Variants in KCNJ6 observed in about 807,000 individuals in gnomAD.
KCNJ6 encodes the protein potassium inwardly rectifying channel subfamily J member 6, also known as G protein-activated inward rectifier potassium channel 2.
KCNJ6 carries 9 observed loss-of-function variants against 34.2 expected under a neutral mutation model. The observed-to-expected ratio is 0.26, with a 90% CI of 0.16 to 0.46. The LOEUF is 0.46. KCNJ6 is among the 20% of genes least tolerant of loss of function. The pLI, the probability that KCNJ6 is intolerant of heterozygous loss-of-function variation, is 1.00. For missense variants in KCNJ6, 236 were observed against 531.3 expected (o/e 0.44, Z 5.46); for synonymous variants, 196 against 207.1 (o/e 0.95, Z 0.46).
intron 3 of KCNJ6, among the ~76,000 whole-genome samples, chr21:37,630,406 A>T (rs531611621): frequency 1.3e-5 from 2 of 152,262 alleles, no homozygotes; most frequent in African/African-American, 4.8e-5. Context: ...GTGCTTCAAT[A>T]TTGGAGGTTC....
chr21:37,818,201 T>TGTGC (rs2055356074), intron 2 of KCNJ6, among the ~76,000 whole-genome samples: 2 of 19,760 alleles, frequency 1.0e-4, no homozygotes, highest in African/African-American at 5.7e-4. Flanking sequence ...TGCGTGTGTG[T>TGTGC]GTGTGCGTGC....
rs564807689 is a variant in KCNJ6 at position 37,826,956 on chromosome 21, G to A, written c.25+13702C>T. ...AGAATGCGTGGTGGAAGAAGGGACC[G>A]CAAAGGCTTGTCCCTGGGATGTGGG... On this transcript the variant is annotated intron_variant, in intron 2 of 3. Coordinates refer to ENST00000609713, the MANE Select transcript of KCNJ6 (RefSeq NM_002240.5). Among the ~76,000 whole-genome samples, 14 of 152,230 alleles carry A rather than the reference G, an allele frequency of 9.2e-5. 1 individual carries two copies. In the South Asian group the frequency reaches 2.7e-3, roughly 29 times the overall value.
chr21:37,849,866 A>G (rs1036640440), intron 1 of KCNJ6, among the ~76,000 whole-genome samples: 11 of 152,234 alleles, frequency 7.2e-5, no homozygotes, highest in Admixed American at 2.6e-4. Context: ...TAGTCTTGAC[A>G]ACTCCAGGAG....
chr21:37,644,884 C>T (rs1223009618), intron 3 of KCNJ6, among the ~76,000 whole-genome samples: 5 of 152,200 alleles, frequency 3.3e-5, no homozygotes, highest in East Asian at 3.9e-4. Flanking sequence ...AAACAATAGC[C>T]GGACTTCCTG....
At chr21:37,909,554 T>C (rs1453330013) in intron 1 of KCNJ6, among the ~76,000 whole-genome samples, 53 of 152,054 alleles carry the variant, frequency 3.5e-4, no homozygotes, top group Non-Finnish European at 1.9e-4. Context: ...TTAGTAGAGA[T>C]GGGGTTTTGC....
At chr21:37,775,098 C>A (rs536890668) in intron 2 of KCNJ6, among the ~76,000 whole-genome samples, 1 of 152,272 alleles carries the variant, frequency 6.6e-6, no homozygotes, top group Admixed American at 6.5e-5. Context: ...CTCTGGTGGC[C>A]AGGGAAGATG....
intron 3 of KCNJ6, among the ~76,000 whole-genome samples, chr21:37,667,154 TAAAAAAAAAAA>T (rs55953891): frequency 1.5e-4 from 6 of 39,068 alleles, no homozygotes; most frequent in African/African-American, 5.4e-4. Context: ...CAATAAATAC[TAAAAAAAAAAA>T]AAAAAAAAAA....
chr21:37,642,378 C>T (rs1239258989), intron 3 of KCNJ6, among the ~76,000 whole-genome samples: 3 of 152,046 alleles, frequency 2.0e-5, no homozygotes, highest in South Asian at 2.1e-4. Flanking sequence ...GAGCAAAGGG[C>T]GGCAGAAGCC....
At chr21:37,646,070 T>C (rs1011880368) in intron 3 of KCNJ6, among the ~76,000 whole-genome samples, 41 of 152,184 alleles carry the variant, frequency 2.7e-4, no homozygotes, top group African/African-American at 8.0e-4. Flanking sequence ...TCCTCGTAAA[T>C]GTATGCGTAA....
intron 3 of KCNJ6, among the ~76,000 whole-genome samples, chr21:37,677,786 A>C (rs2054572605): frequency 1.3e-5 from 2 of 149,642 alleles, no homozygotes; most frequent in African/African-American, 2.5e-5. Context: ...CCATCCATCC[A>C]TCCACCCACC....
In KCNJ6 at chr21:37,616,394, G is replaced by A. The variant is rs2123353097; in HGVS notation, c.*8765C>T. On this transcript the variant is annotated 3_prime_UTR_variant, in exon 4 of 4. Coordinates refer to ENST00000609713, the MANE Select transcript of KCNJ6 (RefSeq NM_002240.5). ...GCACTGGGCTGAATAAAGATGTTCA[G>A]GAGCTTCTTTGGCAAGCTGGTCCCC... 6.6e-6 allele frequency: 1 copy of A among 151,500 alleles called. No individual in the cohort carries two copies. Among genetic ancestry groups the A allele is most frequent in the African/African-American group, 2.4e-5 (1 of 41,230 alleles). 9.4% of individuals were successfully genotyped at this position (151,500 alleles called of 1,614,324 possible).
At chr21:37,872,851 T>G (rs988013776) in intron 1 of KCNJ6, among the ~76,000 whole-genome samples, 1 of 152,304 alleles carries the variant, frequency 6.6e-6, no homozygotes, top group East Asian at 1.9e-4. Context: ...GTTCTCATGA[T>G]AGTGTGTTCT....
At chr21:37,684,644 T>C (rs970265415) in intron 3 of KCNJ6, among the ~76,000 whole-genome samples, 1 of 152,184 alleles carries the variant, frequency 6.6e-6, no homozygotes, top group African/African-American at 2.4e-5. Flanking sequence ...TTTGCTAAAG[T>C]GGGTGGGATA....
chr21:37,843,404 T>C (rs1485512363), intron 1 of KCNJ6, among the ~76,000 whole-genome samples: 1 of 152,202 alleles, frequency 6.6e-6, no homozygotes, highest in Non-Finnish European at 1.5e-5. Context: ...ATATCATAAC[T>C]TATGGTGGAA....
intron 2 of KCNJ6, among the ~76,000 whole-genome samples, chr21:37,784,858 G>T (rs760873501): frequency 1.3e-5 from 2 of 152,160 alleles, no homozygotes; most frequent in Non-Finnish European, 2.9e-5. Flanking sequence ...CTCATAAAAT[G>T]GTTCTTCCAG....
chr21:37,854,098 T>C (rs1043938186), intron 1 of KCNJ6, among the ~76,000 whole-genome samples: 17 of 151,356 alleles, frequency 1.1e-4, no homozygotes, highest in African/African-American at 3.4e-4. Context: ...CTAATAATTA[T>C]ATTAAACATA....
intron 1 of KCNJ6, among the ~76,000 whole-genome samples, chr21:37,892,022 G>A: frequency 6.6e-6 from 1 of 152,328 alleles, no homozygotes; most frequent in East Asian, 1.9e-4. Context: ...AAACACTGAA[G>A]AATTTGCAGG....
chr21:37,721,034 GATAAGGGACTGGGATCCAGAATAT>G (rs2054823783), intron 2 of KCNJ6, among the ~76,000 whole-genome samples: 1 of 152,178 alleles, frequency 6.6e-6, no homozygotes, highest in South Asian at 2.1e-4. Context: ...TCATACATCT[GATAAGGGACTGGGATCCAGAATAT>G]ATAAAGAACT....
intron 1 of KCNJ6, among the ~76,000 whole-genome samples, chr21:37,862,372 C>T (rs1297095802): frequency 1.3e-5 from 2 of 152,212 alleles, no homozygotes; most frequent in African/African-American, 4.8e-5. Context: ...GTAAATGTCA[C>T]CTTTATACAC....
Sources: allele counts gnomAD v4.1 joint callset (sites outside exome capture counted in the v4.1 genomes callset), GRCh38; gene constraint gnomAD v4.1.1; transcripts MANE v1.5; gene names NCBI Gene and HGNC (gene_info 2026-07-23, HGNC 2026-07-21).